Variants in KCNU1 observed in about 807,000 individuals in gnomAD.
The protein encoded by KCNU1 is potassium calcium-activated channel subfamily U member 1, also known as potassium channel subfamily U member 1.
Under a neutral mutation model 126.8 loss-of-function variants are expected in KCNU1, and 93 were observed. The observed-to-expected ratio is 0.73, with a 90% CI of 0.62 to 0.87. The LOEUF (loss-of-function observed/expected upper bound fraction) is 0.87. Among genes scored for constraint, KCNU1 ranks in the 40% least tolerant of loss-of-function variants. The probability of loss-of-function intolerance (pLI) is 0.00; values close to 1 mark genes in which losing one functional copy is unlikely to be tolerated. For missense variants in KCNU1, 1,330 were observed against 1,367.1 expected, an observed-to-expected ratio of 0.97 and a Z score of 0.43; for synonymous variants, 523 against 494.2, an observed-to-expected ratio of 1.06 and a Z score of -0.77.
intron 18 of KCNU1, among the ~76,000 whole-genome samples, chr8:36,859,861 A>T (rs1275076265): frequency 2.6e-4 from 39 of 152,220 alleles, no homozygotes; most frequent in Admixed American, 2.6e-3. Flanking sequence ...TGAGAATATC[A>T]GTACATAAAG....
intron 22 of KCNU1, among the ~76,000 whole-genome samples, chr8:36,917,802 A>T (rs565239257): frequency 6.6e-6 from 1 of 152,252 alleles, no homozygotes; most frequent in South Asian, 2.1e-4. Context: ...AGTCTCACAG[A>T]GGTTACTGCA....
intron 2 of KCNU1, among the ~76,000 whole-genome samples, chr8:36,790,398 A>C (rs1802861035): frequency 6.6e-6 from 1 of 152,106 alleles, no homozygotes; most frequent in African/African-American, 2.4e-5. Context: ...TTTAAAAGAT[A>C]GTTAGAAATT....
At chr8:36,822,313 T>C (rs1379689237) in intron 10 of KCNU1, among the ~76,000 whole-genome samples, 3 of 152,102 alleles carry the variant, frequency 2.0e-5, no homozygotes, top group Non-Finnish European at 4.4e-5. Flanking sequence ...TGCCAGTCTT[T>C]CCAGCTAGCT....
intron 19 of KCNU1, among the ~76,000 whole-genome samples, chr8:36,894,582 C>A (rs527641084): frequency 2.2e-4 from 33 of 152,156 alleles, no homozygotes; most frequent in Middle Eastern, 6.8e-3. Context: ...TGAGTGGTTT[C>A]TCTCAGCTTT....
In KCNU1 at chr8:36,805,466, G is replaced by A. The variant is rs117812650; in HGVS notation, c.468+181G>A. On this transcript the variant is annotated intron_variant, in intron 4 of 26. Coordinates refer to ENST00000399881, the MANE Select transcript of KCNU1 (RefSeq NM_001031836.3). ...AAACTCTCTCTCCTGCACGTGAAAC[G>A]CTAAACCAGGTTAAAAGTTCCAACA... Among the ~76,000 whole-genome samples, 91 of 152,218 alleles carry A rather than the reference G, an allele frequency of 6.0e-4. No individual in the cohort carries two copies. In the East Asian group the frequency reaches 0.015, roughly 26 times the overall value.
intron 18 of KCNU1, among the ~76,000 whole-genome samples, chr8:36,854,912 A>G (rs1191651677): frequency 6.6e-6 from 1 of 152,082 alleles, no homozygotes; most frequent in Non-Finnish European, 1.5e-5. Flanking sequence ...TGGCCATTGA[A>G]TTTTCTACTC....
chr8:36,918,559 A>G (rs1808211937), intron 22 of KCNU1, among the ~76,000 whole-genome samples: 1 of 151,740 alleles, frequency 6.6e-6, no homozygotes, highest in Non-Finnish European at 1.5e-5. Flanking sequence ...TGTTTCAAAA[A>G]AGGAAAAAAG....
intron 24 of KCNU1, chr8:36,928,857 G>A: frequency 3.4e-6 from 2 of 586,532 alleles, no homozygotes; most frequent in Non-Finnish European, 6.1e-6. Context: ...ACCACTCAGA[G>A]TGCCCTTTAA....
rs1173582144 is a variant in KCNU1 at position 36,899,804 on chromosome 8, T to C, written c.2010-5904T>C. ...AACATGGAAGGCTTTCTAGGCATGA[T>C]ATTTCAAGTGTTTTATTCTTTCTTT... On this transcript the variant is annotated intron_variant, in intron 19 of 26. Transcript: ENST00000399881. Among the ~76,000 whole-genome samples the C allele has an allele frequency of 3.9e-4, 59 of 152,132 alleles. 1 individual carries two copies.
intron 6 of KCNU1, 37 bp downstream of exon 6, chr8:36,807,487 G>T: frequency 7.0e-7 from 1 of 1,433,938 alleles, no homozygotes; most frequent in Non-Finnish European, 9.8e-7. Context: ...TTACTTATTA[G>T]TTTGGATTAG....
At chr8:36,814,003 G>A (rs954773567) in intron 7 of KCNU1, among the ~76,000 whole-genome samples, 23 of 152,072 alleles carry the variant, frequency 1.5e-4, no homozygotes, top group Non-Finnish European at 3.2e-4. Flanking sequence ...CAATGATCAC[G>A]ATTAAGGAAA....
In KCNU1 at chr8:36,931,005, G is replaced by C. The variant is rs997117067; in HGVS notation, c.2791G>C (p.Val931Leu). Residue 931 changes from valine to leucine, a missense_variant, in exon 25 of 27, where the codon GTA becomes CTA. Transcript: ENST00000399881. ...ELLQMLVTGG[V>L]SSQLEQHLDK... ...GCTTCAGATGCTGGTGACAGGAGGA[G>C]TAAGTTCTCAGCTGGAACAACATTT... The C allele has an allele frequency of 6.2e-7, 1 of 1,609,988 alleles. No individual in the cohort carries two copies. Among genetic ancestry groups the C allele is most frequent in the African/African-American group, 1.3e-5 (1 of 74,726 alleles).
intron 10 of KCNU1, among the ~76,000 whole-genome samples, chr8:36,826,046 G>A (rs1208284284): frequency 6.6e-6 from 1 of 151,830 alleles, no homozygotes; most frequent in East Asian, 1.9e-4. Context: ...GATCATTTCT[G>A]GAGGATTCTC....
intron 12 of KCNU1, among the ~76,000 whole-genome samples, chr8:36,835,632 G>C (rs546391274): frequency 3.5e-4 from 54 of 152,238 alleles, no homozygotes; most frequent in African/African-American, 1.3e-3. Flanking sequence ...GGGCCACTGC[G>C]CCTGGCCTGA....
rs749042144 is a variant in KCNU1, at chr8:36,935,811, GTAT to G, written c.3345_3347del (p.Ile1116del). 2 of 1,612,908 alleles carry G rather than the reference GTAT, an allele frequency of 1.2e-6. No individual in the cohort carries two copies. Among genetic ancestry groups the G allele is most frequent in the South Asian group, 2.2e-5 (2 of 91,028 alleles). On this transcript the variant is annotated inframe_deletion, in exon 27 of 27. Coordinates refer to ENST00000399881, the MANE Select transcript of KCNU1 (RefSeq NM_001031836.3). ...GCATGGAATCAGAGTAGAACAAACA[GTAT>G]TATATCATCTCAGATACCTTTAGGT...
intron 23 of KCNU1, among the ~76,000 whole-genome samples, chr8:36,922,046 C>G (rs1808368821): frequency 6.6e-6 from 1 of 152,144 alleles, no homozygotes. Flanking sequence ...CTCTAGGAAC[C>G]CAAGTAAATA....
intron 8 of KCNU1, 84 bp downstream of exon 8, chr8:36,814,461 G>T: frequency 1.0e-6 from 1 of 973,782 alleles, no homozygotes; most frequent in Non-Finnish European, 1.6e-6. Flanking sequence ...AACAATATAG[G>T]TTTAAGAGTG....
chr8:36,924,436 G>A (rs1563339704), intron 24 of KCNU1, among the ~76,000 whole-genome samples: 2 of 152,302 alleles, frequency 1.3e-5, no homozygotes, highest in African/African-American at 2.4e-5. Flanking sequence ...AATGCCATTC[G>A]GCATGAGATT....
At chr8:36,909,218 C>T in intron 20 of KCNU1, 93 bp from the exon 21 acceptor site, 2 of 784,352 alleles carry the variant, frequency 2.5e-6, no homozygotes, top group South Asian at 1.6e-5. Flanking sequence ...TGTGGATGTA[C>T]CTAGAAGAAT....
Sources: allele counts gnomAD v4.1 joint callset (sites outside exome capture counted in the v4.1 genomes callset), GRCh38; gene constraint gnomAD v4.1.1; transcripts MANE v1.5; gene names NCBI Gene and HGNC (gene_info 2026-07-23, HGNC 2026-07-21).